Variants in NRK observed in about 807,000 individuals in gnomAD.
The protein encoded by NRK is Nik related kinase.
In NRK, 67 loss-of-function variants were observed where a neutral mutation model predicts 125.2. The observed-to-expected ratio is 0.54, with a 90% CI of 0.44 to 0.66. NRK has a LOEUF of 0.66. Among genes scored for constraint, NRK ranks in the 30% least tolerant of loss-of-function variants. NRK has a pLI of 0.00. For synonymous variants in NRK, 458 were observed against 429.0 expected, an observed-to-expected ratio of 1.07 and a Z score of -0.84; for missense variants, 1,224 against 1,192.9, an observed-to-expected ratio of 1.03 and a Z score of -0.38.
upstream of NRK, among the ~76,000 whole-genome samples, chrX:105,822,333 G>C (rs754341338): frequency 5.1e-4 from 56 of 110,807 alleles, 1 homozygote; most frequent in South Asian, 0.021. Context: ...CAGGAGGGCC[G>C]GGGGAGGCCG....
Position 105,923,232 on chromosome X carries a change from C to T in NRK, c.2725C>T (p.Pro909Ser). Residue 909 changes from proline to serine, a missense_variant, in exon 18 of 29, where the codon CCT becomes TCT. By Grantham distance (74) the Pro-to-Ser change is moderately conservative. Coordinates refer to ENST00000243300, the MANE Select transcript of NRK (RefSeq NM_198465.4). ...CCGGAATGATTGGTTAACTCCGGCACCTGTCATTCAGCCACCTGAAGAGGA... is the reference window on the plus strand; with the variant it reads ...CCGGAATGATTGGTTAACTCCGGCATCTGTCATTCAGCCACCTGAAGAGGA... ...IFRNDWLTPAPVIQPPEEDGD... is the reference protein window; with the variant it reads ...IFRNDWLTPASVIQPPEEDGD... 1 of 1,209,405 alleles carries T rather than the reference C, an allele frequency of 8.3e-7. No individual in the cohort carries two copies. Among genetic ancestry groups the T allele is most frequent in the Non-Finnish European group, 1.1e-6 (1 of 893,904 alleles).
At chrX:105,857,942 C>A (rs2147674704) in intron 2 of NRK, among the ~76,000 whole-genome samples, 1 of 110,697 alleles carries the variant, frequency 9.0e-6, no homozygotes, top group African/African-American at 3.3e-5. Flanking sequence ...GTATCCATCC[C>A]TTGCATCCCT....
chrX:105,870,094 A>G lies in NRK; in HGVS notation c.124-10105A>G, dbSNP rs377317785. The stretch of plus-strand genomic sequence containing the variant: ...ATAGTGGGAGAAAATAGTAACTGAA[A>G]GAAAAAAAATCCTGAATATGTAAGT... On this transcript the variant is annotated intron_variant, in intron 2 of 28. Transcript: ENST00000243300. Among the ~76,000 whole-genome samples the G allele has an allele frequency of 4.3e-4, 48 of 111,855 alleles. No individual in the cohort carries two copies. The East Asian group carries it at 7.9e-3, about 18-fold the overall frequency.
At chrX:105,935,962 C>G (rs970148458) in intron 21 of NRK, among the ~76,000 whole-genome samples, 8 of 109,541 alleles carry the variant, frequency 7.3e-5, no homozygotes, top group Non-Finnish European at 9.5e-5. Flanking sequence ...TTTAAAAAGC[C>G]TTGGAAATTT....
chrX:105,854,723 G>A lies in NRK; in HGVS notation c.123+23604G>A, dbSNP rs144970867. Among the ~76,000 whole-genome samples the A allele has an allele frequency of 9.7e-3, 1,087 of 111,803 alleles. 4 individuals carry two copies. Among genetic ancestry groups the A allele is most frequent in the Non-Finnish European group, 0.015 (782 of 53,108 alleles). ...AGTATTTACAAGGGAATCCTCAGTT[G>A]TAATTGGCTCCTTTTATTCTTATTT... On this transcript the variant is annotated intron_variant, in intron 2 of 28. Coordinates refer to ENST00000243300, the MANE Select transcript of NRK (RefSeq NM_198465.4).
chrX:105,921,308 A>T (rs2147765289), intron 16 of NRK, among the ~76,000 whole-genome samples: 2 of 97,811 alleles, frequency 2.0e-5, no homozygotes, highest in East Asian at 6.8e-4. Flanking sequence ...AGGAAGGGGA[A>T]TATCACACTC....
intron 2 of NRK, among the ~76,000 whole-genome samples, chrX:105,865,395 A>G (rs1023212549): frequency 8.9e-6 from 1 of 111,746 alleles, no homozygotes; most frequent in African/African-American, 3.3e-5. Context: ...ATAAATAAGA[A>G]CAAACTCTAA....
chrX:105,895,167 A>G (rs2040064462), intron 6 of NRK: 2 of 497,298 alleles, frequency 4.0e-6, no homozygotes, highest in Non-Finnish European at 3.6e-6. Flanking sequence ...AAGTGGCCCA[A>G]TGTATACAAA....
chrX:105,950,576 GTGGAGAGA>G lies in NRK; in HGVS notation c.4513+843_4513+850del, dbSNP rs1399422215. Among the ~76,000 whole-genome samples the G allele has an allele frequency of 2.7e-3, 240 of 89,916 alleles. 2 individuals are homozygous for G. Among genetic ancestry groups the G allele is most frequent in the Non-Finnish European group, 3.2e-3 (143 of 45,346 alleles). The allele number at this position is 89,916 out of a possible 115,157, so 78.1% of individuals were successfully genotyped here. On this transcript the variant is annotated intron_variant, in intron 27 of 28. Transcript: ENST00000243300. ...TGTGTGTGTGTGTGTGTGTGTGTGT[GTGGAGAGA>G]GAGAGAGAGAGACTTAACAATTGCA...
intron 27 of NRK, among the ~76,000 whole-genome samples, chrX:105,950,527 AGTGTGT>A (rs56383254): frequency 0.22 from 16,814 of 77,744 alleles, 1,589 homozygotes; most frequent in Non-Finnish European, 0.27. Context: ...AAAAGGCAGC[AGTGTGT>A]GTGTGTGTGT....
At position 105,822,915 on chromosome X, in the gene NRK, C is replaced by A; in HGVS notation, c.57+13C>A. The A allele has an allele frequency of 8.7e-7, 1 of 1,148,546 alleles. No homozygotes were observed. Among genetic ancestry groups the A allele is most frequent in the Non-Finnish European group, 1.2e-6 (1 of 857,287 alleles). 94.7% of individuals were successfully genotyped at this position (1,148,546 alleles called of 1,213,427 possible). Reference sequence around the variant, plus strand: ...GGGCCACCTGCCGGTGAGTAGAGGACGCCCGTCGCCCCCCGAAATGCTCTC... The same window carrying A: ...GGGCCACCTGCCGGTGAGTAGAGGAAGCCCGTCGCCCCCCGAAATGCTCTC... On this transcript the variant is annotated intron_variant, in intron 1 of 28. Transcript: ENST00000243300.
At chrX:105,919,574 G>T (rs746318026) in intron 16 of NRK, among the ~76,000 whole-genome samples, 1 of 111,821 alleles carries the variant, frequency 8.9e-6, no homozygotes, top group Non-Finnish European at 1.9e-5. Flanking sequence ...TTAATGGACA[G>T]TTCAGATACA....
chrX:105,916,115 ATTTCAAGTGAAT>A (rs1019246107), intron 15 of NRK, among the ~76,000 whole-genome samples: 2 of 111,339 alleles, frequency 1.8e-5, no homozygotes, highest in Non-Finnish European at 3.8e-5. Context: ...AAGACATGAA[ATTTCAAGTGAAT>A]TTTCACACAT....
intron 5 of NRK, among the ~76,000 whole-genome samples, chrX:105,889,849 T>C (rs1317278004): frequency 1.8e-5 from 2 of 111,925 alleles, no homozygotes; most frequent in Non-Finnish European, 3.8e-5. Flanking sequence ...TGAAACCATT[T>C]TTTTTCCTCC....
intron 27 of NRK, among the ~76,000 whole-genome samples, chrX:105,952,199 T>C (rs1165208944): frequency 8.9e-6 from 1 of 112,464 alleles, no homozygotes; most frequent in Admixed American, 9.5e-5. Flanking sequence ...TTTCCTAGAC[T>C]ATTTTAATTT....
chrX:105,838,196 C>T (rs1458062060), intron 2 of NRK, among the ~76,000 whole-genome samples: 1 of 111,386 alleles, frequency 9.0e-6, no homozygotes, highest in Non-Finnish European at 1.9e-5. Context: ...TGATTATTGG[C>T]TATTAGCTGG....
rs866467011 is a variant in NRK at position 105,935,184 on chromosome X, G to A, written c.3514G>A (p.Val1172Ile). 1.7e-5 allele frequency: 20 copies of A among 1,192,392 alleles called. No homozygotes were observed. Among genetic ancestry groups the A allele is most frequent in the East Asian group, 3.0e-5 (1 of 33,607 alleles). Reference protein sequence around the residue: ...FASAILYAGFVEVPEESPKQP... With the variant: ...FASAILYAGFIEVPEESPKQP... Reference sequence around the variant, plus strand: ...CATCTTTGCAGTATACGCTGGATTCGTAGAAGTACCTGAGGAATCACCTAA... The same window carrying A: ...CATCTTTGCAGTATACGCTGGATTCATAGAAGTACCTGAGGAATCACCTAA... The change falls in exon 21 of 29, where the codon GTA (valine) becomes ATA (isoleucine). Residue 1172 changes from valine to isoleucine, a missense_variant. Physicochemically the swap from Val to Ile is conservative, Grantham distance 29. Coordinates refer to ENST00000243300, the MANE Select transcript of NRK (RefSeq NM_198465.4).
intron 26 of NRK, 126 bp from the exon 27 acceptor site, chrX:105,949,449 T>C (rs2040861562): frequency 4.8e-6 from 2 of 419,388 alleles, no homozygotes; most frequent in Non-Finnish European, 8.3e-6. Context: ...ACTTTGGAAA[T>C]AGAGGTTTCT....
chrX:105,866,464 G>A (rs1028505111), intron 2 of NRK, among the ~76,000 whole-genome samples: 4 of 111,948 alleles, frequency 3.6e-5, no homozygotes, highest in East Asian at 2.8e-4. Flanking sequence ...TTTCCAGCAC[G>A]TAAGGGACAT....
Sources: gnomAD v4.1 joint callset for allele counts (sites outside exome capture counted in the v4.1 genomes callset) on GRCh38, gnomAD v4.1.1 for gene constraint, MANE v1.5 for transcripts, NCBI Gene and HGNC (gene_info 2026-07-23, HGNC 2026-07-21) for gene names.